ZDHHC15: variants seen among roughly 807,000 people sequenced by gnomAD.
The protein encoded by ZDHHC15 is zDHHC palmitoyltransferase 15.
ZDHHC15 carries 19 observed loss-of-function variants against 31.7 expected under a neutral mutation model. The observed-to-expected ratio is 0.60, with a 90% CI of 0.42 to 0.88. The LOEUF (loss-of-function observed/expected upper bound fraction) is 0.88, where lower values mean the gene tolerates loss of function less well. ZDHHC15 is among the 40% of genes least tolerant of loss of function. The pLI, the probability that ZDHHC15 is intolerant of heterozygous loss-of-function variation, is 0.00. For synonymous variants in ZDHHC15, 103 were observed against 90.0 expected (o/e 1.14, Z -0.82); for missense variants, 209 against 251.2 (o/e 0.83, Z 1.14).
At chrX:75,521,143 G>A (rs1216551623) in intron 1 of ZDHHC15, among the ~76,000 whole-genome samples, 7 of 110,851 alleles carry the variant, frequency 6.3e-5, no homozygotes, top group Non-Finnish European at 9.4e-5. Flanking sequence ...GTGAGGGGAT[G>A]TCCAATGGGT....
chrX:75,438,657 A>C (rs927164698), intron 4 of ZDHHC15, among the ~76,000 whole-genome samples: 2 of 111,687 alleles, frequency 1.8e-5, no homozygotes, highest in African/African-American at 6.5e-5. Context: ...GTTTACATTC[A>C]ACATTAATAT....
chrX:75,457,584 C>A (rs1437053611), intron 3 of ZDHHC15, among the ~76,000 whole-genome samples: 1 of 108,360 alleles, frequency 9.2e-6, no homozygotes, highest in Non-Finnish European at 1.9e-5. Flanking sequence ...TACTTATATA[C>A]ACAAGAAAAA....
intron 10 of ZDHHC15, among the ~76,000 whole-genome samples, chrX:75,401,892 G>A (rs1569311635): frequency 8.9e-6 from 1 of 112,017 alleles, no homozygotes; most frequent in Non-Finnish European, 1.9e-5. Context: ...AAATGGATCT[G>A]AGAGACCTTT....
chrX:75,412,529 T>A (rs752294647), intron 10 of ZDHHC15, among the ~76,000 whole-genome samples: 9 of 110,774 alleles, frequency 8.1e-5, no homozygotes, highest in Non-Finnish European at 1.7e-4. Context: ...CTTCCCGGGT[T>A]CAAGCGATTC....
chrX:75,430,544 A>G (rs1453499344), intron 5 of ZDHHC15, among the ~76,000 whole-genome samples: 1 of 112,201 alleles, frequency 8.9e-6, no homozygotes, highest in South Asian at 3.7e-4. Context: ...ATAAATGAAG[A>G]GAAGAGATAA....
chrX:75,458,901 G>T (rs150471262), intron 3 of ZDHHC15, among the ~76,000 whole-genome samples: 1 of 104,372 alleles, frequency 9.6e-6, no homozygotes, highest in African/African-American at 3.5e-5. Flanking sequence ...ACAGGTTCTC[G>T]CATTCGGACT....
At chrX:75,466,366 G>T (rs2084406258) in intron 3 of ZDHHC15, among the ~76,000 whole-genome samples, 1 of 111,625 alleles carries the variant, frequency 9.0e-6, no homozygotes, top group Non-Finnish European at 1.9e-5. Flanking sequence ...TTCAATCATT[G>T]TGGAAGATAG....
At chrX:75,476,229 C>G (rs1203824703) in intron 3 of ZDHHC15, among the ~76,000 whole-genome samples, 1 of 109,956 alleles carries the variant, frequency 9.1e-6, no homozygotes, top group African/African-American at 3.3e-5. Context: ...CCTACTTGCA[C>G]TAGCCAGAGG....
chrX:75,386,308 G>C (rs2083178862), intron 10 of ZDHHC15, among the ~76,000 whole-genome samples: 2 of 111,525 alleles, frequency 1.8e-5, no homozygotes, highest in Non-Finnish European at 3.8e-5. Flanking sequence ...ACACTGGAAG[G>C]TTGTATTAGC....
At chrX:75,413,832 TGAA>T (rs1229338029) in intron 10 of ZDHHC15, among the ~76,000 whole-genome samples, 2 of 105,574 alleles carry the variant, frequency 1.9e-5, no homozygotes, top group Non-Finnish European at 3.9e-5. Flanking sequence ...CCGAGAAAGC[TGAA>T]GAAGTTCTTT....
chrX:75,415,354 A>G (rs1602588600), intron 10 of ZDHHC15, among the ~76,000 whole-genome samples: 1 of 111,597 alleles, frequency 9.0e-6, no homozygotes, highest in Non-Finnish European at 1.9e-5. Context: ...AGGATTGTGG[A>G]GTCTCCTTCA....
chrX:75,519,852 G>C (rs1431669012), intron 1 of ZDHHC15, among the ~76,000 whole-genome samples: 1 of 111,893 alleles, frequency 8.9e-6, no homozygotes, highest in Non-Finnish European at 1.9e-5. Flanking sequence ...AGGAGGGACT[G>C]GTTCAGCCAG....
chrX:75,491,364 A>C (rs1236958369), intron 2 of ZDHHC15, among the ~76,000 whole-genome samples: 1 of 106,966 alleles, frequency 9.3e-6, no homozygotes, highest in Non-Finnish European at 1.9e-5. Flanking sequence ...TTCTCAGTAA[A>C]CTATCGCAAG....
Position 75,430,974 on chromosome X carries a change from G to C in ZDHHC15, c.449+477C>G, listed in dbSNP as rs2083773342. 2.7e-5 allele frequency among the ~76,000 whole-genome samples: 3 copies of C among 111,542 alleles called. No homozygotes were observed. The South Asian group carries it at 1.1e-3, about 42-fold the overall frequency. On this transcript the variant is annotated intron_variant, in intron 5 of 11. Coordinates refer to ENST00000373367, the MANE Select transcript of ZDHHC15 (RefSeq NM_144969.3). The stretch of plus-strand genomic sequence containing the variant: ...GTCTGGGATACTGCCACAGCTAAGA[G>C]AAGCTAAGGAGATGAGACATCACTA...
At chrX:75,493,462 T>G (rs1339498678) in intron 2 of ZDHHC15, among the ~76,000 whole-genome samples, 4 of 111,618 alleles carry the variant, frequency 3.6e-5, no homozygotes, top group Non-Finnish European at 5.6e-5. Flanking sequence ...TACCAAAGCC[T>G]GGCAGAGACA....
chrX:75,395,705 T>A (rs1349301518), intron 10 of ZDHHC15, among the ~76,000 whole-genome samples: 2 of 111,690 alleles, frequency 1.8e-5, no homozygotes, highest in Non-Finnish European at 3.8e-5. Context: ...AAAATTTATA[T>A]GGAACCACAA....
chrX:75,462,580 C>A (rs1250718671), intron 3 of ZDHHC15, among the ~76,000 whole-genome samples: 1 of 111,944 alleles, frequency 8.9e-6, no homozygotes, highest in African/African-American at 3.2e-5. Context: ...TCTCTCAGAC[C>A]AAAGCATAAT....
At chrX:75,401,229 A>T (rs1437548503) in intron 10 of ZDHHC15, among the ~76,000 whole-genome samples, 1 of 108,445 alleles carries the variant, frequency 9.2e-6, no homozygotes, top group African/African-American at 3.4e-5. Context: ...AATACATTAA[A>T]GCAGTCACTT....
intron 10 of ZDHHC15, among the ~76,000 whole-genome samples, chrX:75,410,646 T>C (rs1200078632): frequency 1.8e-5 from 2 of 111,782 alleles, no homozygotes; most frequent in African/African-American, 6.5e-5. Flanking sequence ...GAAATGTAAA[T>C]TAGTACAGTC....
Sources: gnomAD v4.1 joint callset for allele counts (sites outside exome capture counted in the v4.1 genomes callset) on GRCh38, gnomAD v4.1.1 for gene constraint, MANE v1.5 for transcripts, NCBI Gene and HGNC (gene_info 2026-07-23, HGNC 2026-07-21) for gene names.